Variants in EDIL3 observed in about 807,000 individuals in gnomAD.
EDIL3 encodes the protein EGF like and discoidin domains 3.
A neutral mutation model predicts 67.4 loss-of-function variants in EDIL3; 37 were observed. That is an observed-to-expected ratio of 0.55 (90% confidence interval 0.42 to 0.72). EDIL3 has a LOEUF of 0.72. Among genes scored for constraint, EDIL3 ranks in the 30% least tolerant of loss-of-function variants. The pLI is 0.00. For missense variants in EDIL3, 527 were observed against 586.3 expected, an observed-to-expected ratio of 0.90 and a Z score of 1.04; for synonymous variants, 195 against 196.3, an observed-to-expected ratio of 0.99 and a Z score of 0.05.
intron 9 of EDIL3, among the ~76,000 whole-genome samples, chr5:83,976,797 C>T (rs967987914): frequency 3.3e-5 from 5 of 151,468 alleles, no homozygotes; most frequent in African/African-American, 1.2e-4. Flanking sequence ...TGAATGTACT[C>T]CTAAATAATA....
chr5:83,989,783 G>C (rs1159636862), intron 9 of EDIL3, among the ~76,000 whole-genome samples: 1 of 152,136 alleles, frequency 6.6e-6, no homozygotes, highest in Non-Finnish European at 1.5e-5. Context: ...GATTAGAGAT[G>C]TCATTCCCTT....
chr5:84,192,919 C>T (rs1202980305), intron 3 of EDIL3, among the ~76,000 whole-genome samples: 4 of 151,666 alleles, frequency 2.6e-5, no homozygotes, highest in Non-Finnish European at 5.9e-5. Context: ...GACTAGAAGC[C>T]GGAAACCAAG....
intron 5 of EDIL3, among the ~76,000 whole-genome samples, chr5:84,120,246 G>T (rs983645980): frequency 3.3e-5 from 5 of 151,908 alleles, no homozygotes; most frequent in African/African-American, 1.2e-4. Flanking sequence ...CTATATATAG[G>T]AGTGTGGCTT....
At chr5:83,954,158 A>G (rs1744467123) in intron 10 of EDIL3, among the ~76,000 whole-genome samples, 1 of 151,554 alleles carries the variant, frequency 6.6e-6, no homozygotes, top group African/African-American at 2.4e-5. Flanking sequence ...AAAAATGGCA[A>G]TATGTATCAT....
At chr5:84,013,873 T>C (rs1004805553) in intron 9 of EDIL3, among the ~76,000 whole-genome samples, 2 of 152,158 alleles carry the variant, frequency 1.3e-5, no homozygotes, top group African/African-American at 4.8e-5. Flanking sequence ...TTAAATTAAT[T>C]TGGTTGAAAA....
At chr5:83,982,916 G>C (rs753076055) in intron 9 of EDIL3, among the ~76,000 whole-genome samples, 30 of 152,146 alleles carry the variant, frequency 2.0e-4, no homozygotes, top group Non-Finnish European at 3.4e-4. Flanking sequence ...CCTGGTAGAT[G>C]GGGCACAAGT....
intron 1 of EDIL3, among the ~76,000 whole-genome samples, chr5:84,311,767 G>C (rs1580070803): frequency 6.6e-6 from 1 of 152,018 alleles, no homozygotes. Context: ...GACTCTTAAC[G>C]AGCATGCTGC....
At chr5:84,338,819 G>T (rs1017171370) in intron 1 of EDIL3, among the ~76,000 whole-genome samples, 2 of 152,134 alleles carry the variant, frequency 1.3e-5, no homozygotes, top group Non-Finnish European at 2.9e-5. Context: ...AGATATGTGG[G>T]CATATGACCT....
chr5:84,315,128 C>T (rs141308881), intron 1 of EDIL3, among the ~76,000 whole-genome samples: 261 of 152,118 alleles, frequency 1.7e-3, no homozygotes, highest in African/African-American at 5.8e-3. Flanking sequence ...CATGTAATAC[C>T]CATGATCCAA....
chr5:83,999,432 C>T (rs1013443154), intron 9 of EDIL3, among the ~76,000 whole-genome samples: 1 of 152,018 alleles, frequency 6.6e-6, no homozygotes, highest in Non-Finnish European at 1.5e-5. Flanking sequence ...AATCTTATCA[C>T]ATAAAGTTAA....
chr5:84,126,358 G>A (rs1035649330), intron 5 of EDIL3, among the ~76,000 whole-genome samples: 23 of 151,830 alleles, frequency 1.5e-4, no homozygotes, highest in African/African-American at 5.3e-4. Context: ...TTATAGTATG[G>A]ACCTTTTTGT....
At chr5:84,140,277 A>G (rs1291068022) in intron 4 of EDIL3, among the ~76,000 whole-genome samples, 1 of 152,228 alleles carries the variant, frequency 6.6e-6, no homozygotes, top group Non-Finnish European at 1.5e-5. Context: ...TATCATGAGT[A>G]AAATCAAACC....
intron 9 of EDIL3, among the ~76,000 whole-genome samples, chr5:84,031,918 G>A (rs1745931907): frequency 6.6e-6 from 1 of 152,102 alleles, no homozygotes; most frequent in Non-Finnish European, 1.5e-5. Flanking sequence ...CTCGTTGAAG[G>A]CTCCATGAGC....
At chr5:84,023,033 T>C (rs930998257) in intron 9 of EDIL3, among the ~76,000 whole-genome samples, 1 of 151,910 alleles carries the variant, frequency 6.6e-6, no homozygotes. Flanking sequence ...ATACTATGTA[T>C]CAATAAATGA....
At position 84,174,568 on chromosome 5, in the gene EDIL3, T is replaced by G. The variant is rs542639054; in HGVS notation, c.355+5825A>C. Among the ~76,000 whole-genome samples the G allele has an allele frequency of 2.0e-5, 3 of 152,196 alleles. No homozygotes were observed. The East Asian group carries it at 5.8e-4, about 30-fold the overall frequency. On this transcript the variant is annotated intron_variant, in intron 4 of 10. Coordinates refer to ENST00000296591, the MANE Select transcript of EDIL3 (RefSeq NM_005711.5). Reference sequence around the variant, plus strand: ...CCACCTTGTTGTCCCACTAGGCAAATGGAGGATGGATGGTTGATGCAGAGA... The same window carrying G: ...CCACCTTGTTGTCCCACTAGGCAAAGGGAGGATGGATGGTTGATGCAGAGA...
intron 3 of EDIL3, among the ~76,000 whole-genome samples, chr5:84,210,390 C>T (rs1455502812): frequency 6.6e-6 from 1 of 151,796 alleles, no homozygotes; most frequent in African/African-American, 2.4e-5. Flanking sequence ...TATTTTATTG[C>T]TTTTATAAAT....
intron 6 of EDIL3, among the ~76,000 whole-genome samples, chr5:84,095,902 T>A (rs1747253898): frequency 6.6e-6 from 1 of 152,046 alleles, no homozygotes; most frequent in Admixed American, 6.6e-5. Context: ...GAAACAGTGG[T>A]TTTGTGGGCT....
intron 3 of EDIL3, among the ~76,000 whole-genome samples, chr5:84,220,340 GA>G (rs1240163290): frequency 6.6e-6 from 1 of 152,110 alleles, no homozygotes; most frequent in Non-Finnish European, 1.5e-5. Flanking sequence ...TGTTTATACA[GA>G]ACAGGATAAA....
At chr5:84,040,474 T>C (rs1388580494) in intron 9 of EDIL3, among the ~76,000 whole-genome samples, 1 of 149,700 alleles carries the variant, frequency 6.7e-6, no homozygotes, top group Non-Finnish European at 1.5e-5. Flanking sequence ...TTAAATTTCA[T>C]AATTTAATTA....
Sources: allele counts gnomAD v4.1 joint callset (sites outside exome capture counted in the v4.1 genomes callset), GRCh38; gene constraint gnomAD v4.1.1; transcripts MANE v1.5; gene names NCBI Gene and HGNC (gene_info 2026-07-23, HGNC 2026-07-21).